Variants in SPMIP8 observed in about 807,000 individuals in gnomAD.
SPMIP8 encodes the protein sperm microtubule inner protein 8.
chr16:57,985,496 G>A, the SPMIP8 span: 4 of 1,613,384 alleles, frequency 2.5e-6, no homozygotes, highest in Admixed American at 6.7e-5. Context: ...GCCTCAGCCA[G>A]AACCCCAGCC....
chr16:57,981,581 G>A, the SPMIP8 span, among the ~76,000 whole-genome samples: 2 of 127,070 alleles, frequency 1.6e-5, no homozygotes, highest in Non-Finnish European at 3.2e-5. Context: ...GCGCTATCTC[G>A]GCTCACTGCA....
chr16:57,976,647 C>T, the SPMIP8 span: 2 of 1,612,892 alleles, frequency 1.2e-6, no homozygotes, highest in South Asian at 2.2e-5. Flanking sequence ...GAGTCAGAAG[C>T]AGGGAGCCCT....
the SPMIP8 span, chr16:57,985,419 G>T: frequency 6.2e-7 from 1 of 1,612,860 alleles, no homozygotes; most frequent in Non-Finnish European, 8.5e-7. Context: ...CCTGTGTGGG[G>T]CGTGGGCAGG....
chr16:57,983,475 T>C, the SPMIP8 span, among the ~76,000 whole-genome samples: 1 of 152,200 alleles, frequency 6.6e-6, no homozygotes, highest in African/African-American at 2.4e-5. Context: ...TAATTAAAAT[T>C]ATTAAGGCCT....
the SPMIP8 span, chr16:57,977,826 A>C: frequency 6.2e-7 from 1 of 1,613,186 alleles, no homozygotes; most frequent in African/African-American, 1.3e-5. Flanking sequence ...TATGGCCCGC[A>C]TCATTGACCT....
the SPMIP8 span, chr16:57,987,261 AG>A: frequency 2.4e-6 from 2 of 833,708 alleles, no homozygotes; most frequent in East Asian, 6.7e-5. Flanking sequence ...TACAGAAAAC[AG>A]GGAGCCACTG....
chr16:57,977,545 C>A, the SPMIP8 span, among the ~76,000 whole-genome samples: 10 of 147,514 alleles, frequency 6.8e-5, no homozygotes, highest in Non-Finnish European at 1.5e-5. Flanking sequence ...TCCCTCACAG[C>A]CATGGCACAA....
At chr16:57,987,452 G>A in the SPMIP8 span, 9 of 1,582,854 alleles carry the variant, frequency 5.7e-6, no homozygotes, top group Non-Finnish European at 7.7e-6. Flanking sequence ...CTGACTCCCA[G>A]GCTGCCGGAC....
chr16:57,981,395 T>TAATTATTATTATTATA, the SPMIP8 span, among the ~76,000 whole-genome samples: 1 of 127,804 alleles, frequency 7.8e-6, no homozygotes, highest in Non-Finnish European at 1.7e-5. Flanking sequence ...TAATAATAAT[T>TAATTATTATTATTATA]ATTATTATTA....
At chr16:57,985,504 G>A in the SPMIP8 span, 1 of 1,613,258 alleles carries the variant, frequency 6.2e-7, no homozygotes, top group Non-Finnish European at 8.5e-7. Flanking sequence ...CAGAACCCCA[G>A]CCTGGACCGC....
At chr16:57,982,768 G>A in the SPMIP8 span, among the ~76,000 whole-genome samples, 18 of 152,264 alleles carry the variant, frequency 1.2e-4, no homozygotes, top group African/African-American at 3.4e-4. Context: ...AGTGGCTCAC[G>A]CCTGTAATCC....
At chr16:57,985,955 C>T in the SPMIP8 span, 7 of 1,603,724 alleles carry the variant, frequency 4.4e-6, no homozygotes, top group Non-Finnish European at 5.1e-6. Context: ...GGGGAACGGT[C>T]CTGTCCCGCC....
chr16:57,985,919 C>T, the SPMIP8 span: 1 of 1,612,532 alleles, frequency 6.2e-7, no homozygotes, highest in South Asian at 1.1e-5. Context: ...GAACACTTTC[C>T]GAAGCTTCGG....
At chr16:57,981,206 C>T in the SPMIP8 span, among the ~76,000 whole-genome samples, 2 of 151,504 alleles carry the variant, frequency 1.3e-5, no homozygotes, top group African/African-American at 4.9e-5. Context: ...TATGGTAAAA[C>T]CCTGTCTCTA....
At chr16:57,976,630 T>C in the SPMIP8 span, 1 of 1,613,758 alleles carries the variant, frequency 6.2e-7, no homozygotes, top group Non-Finnish European at 8.5e-7. Flanking sequence ...AGGTAGCTGC[T>C]ATTGGTGAGT....
chr16:57,986,584 C>CATTATTATTATTATTATTATTATT, the SPMIP8 span: 9 of 149,066 alleles, frequency 6.0e-5, no homozygotes, highest in South Asian at 2.2e-4. Context: ...TCCTTCGTGC[C>CATTATTATTATTATTATTATTATT]ATTATTATTA....
At chr16:57,982,859 A>G in the SPMIP8 span, among the ~76,000 whole-genome samples, 2 of 151,996 alleles carry the variant, frequency 1.3e-5, no homozygotes, top group Non-Finnish European at 2.9e-5. Flanking sequence ...GTGAAACCCC[A>G]TCTCTACTAA....
chr16:57,981,431 T>TATAATA, the SPMIP8 span, among the ~76,000 whole-genome samples: 15 of 133,124 alleles, frequency 1.1e-4, no homozygotes, highest in Non-Finnish European at 1.4e-4. Flanking sequence ...TTATTATTAT[T>TATAATA]ATAATTTGGT....
At chr16:57,987,457 C>T in the SPMIP8 span, 2 of 1,576,530 alleles carry the variant, frequency 1.3e-6, no homozygotes, top group Non-Finnish European at 1.7e-6. Context: ...TCCCAGGCTG[C>T]CGGACGGTGC....
Sources: gnomAD v4.1 joint callset for allele counts (sites outside exome capture counted in the v4.1 genomes callset) on GRCh38, gnomAD v4.1.1 for gene constraint, MANE v1.5 for transcripts, NCBI Gene and HGNC (gene_info 2026-07-23, HGNC 2026-07-21) for gene names.